PARD3: variants seen among roughly 807,000 people sequenced by gnomAD.
The protein encoded by PARD3 is partitioning defective 3 homolog.
PARD3 carries 75 observed loss-of-function variants against 155.4 expected under a neutral mutation model. The observed-to-expected ratio is 0.48, with a 90% CI of 0.40 to 0.58. The LOEUF (loss-of-function observed/expected upper bound fraction) is 0.58. Ranked by LOEUF, PARD3 falls within the 20% of genes least tolerant of loss-of-function variation. The probability of loss-of-function intolerance (pLI) is 0.00; values close to 1 mark genes in which losing one functional copy is unlikely to be tolerated. For synonymous variants in PARD3, 576 were observed against 610.5 expected (o/e 0.94, Z 0.83); for missense variants, 1,642 against 1,721.7 (o/e 0.95, Z 0.82).
At chr10:34,662,869 C>CACAAAAAAAAAA (rs2093357474) in intron 2 of PARD3, among the ~76,000 whole-genome samples, 1 of 104,014 alleles carries the variant, frequency 9.6e-6, no homozygotes, top group African/African-American at 4.6e-5. Flanking sequence ...GAAACTGTCT[C>CACAAAAAAAAAA]AGAAAAAAAA....
chr10:34,485,071 C>T (rs2079356963), intron 3 of PARD3, among the ~76,000 whole-genome samples: 1 of 152,204 alleles, frequency 6.6e-6, no homozygotes, highest in Non-Finnish European at 1.5e-5. Flanking sequence ...GGCACAGTGG[C>T]ATACATCTGT....
At chr10:34,615,031 C>A (rs534390351) in intron 2 of PARD3, among the ~76,000 whole-genome samples, 2 of 151,950 alleles carry the variant, frequency 1.3e-5, no homozygotes, top group African/African-American at 4.8e-5. Flanking sequence ...ACAAAAAAAA[C>A]TTAGCCAGGC....
intron 2 of PARD3, among the ~76,000 whole-genome samples, chr10:34,683,215 C>G (rs543001128): frequency 2.2e-4 from 33 of 152,024 alleles, no homozygotes; most frequent in Non-Finnish European, 3.2e-4. Flanking sequence ...AAGATGGAAA[C>G]GATGGACACT....
intron 3 of PARD3, among the ~76,000 whole-genome samples, chr10:34,486,289 C>T (rs1354809240): frequency 2.6e-5 from 4 of 152,134 alleles, no homozygotes; most frequent in African/African-American, 9.7e-5. Context: ...ATCCCCCTTT[C>T]CCATCATGGC....
At chr10:34,329,792 GA>G (rs1835417356) in intron 19 of PARD3, among the ~76,000 whole-genome samples, 1 of 152,178 alleles carries the variant, frequency 6.6e-6, no homozygotes, top group African/African-American at 2.4e-5. Flanking sequence ...GAGGTGGAGA[GA>G]AGTGTAGCAA....
intron 3 of PARD3, among the ~76,000 whole-genome samples, chr10:34,499,008 T>C (rs1245644244): frequency 6.6e-6 from 1 of 152,172 alleles, no homozygotes; most frequent in African/African-American, 2.4e-5. Flanking sequence ...TCATTACCAA[T>C]AGATGGTGAA....
At position 34,571,854 on chromosome 10, in the gene PARD3, T is replaced by G. The variant is rs566967400; in HGVS notation, c.223-54695A>C. Among the ~76,000 whole-genome samples, 3 of 152,356 alleles carry G rather than the reference T, an allele frequency of 2.0e-5. No homozygotes were observed. In the South Asian group the frequency reaches 6.2e-4, roughly 32 times the overall value. On this transcript the variant is annotated intron_variant, in intron 2 of 24. Coordinates refer to ENST00000374788, the MANE Select transcript of PARD3 (RefSeq NM_001184785.2). ...GTTGCACCGCTTTCACAAGGTTAGC[T>G]ATCCAGATAAACAAAACCATTTGTT... is the stretch of plus-strand genomic sequence containing the variant.
intron 4 of PARD3, among the ~76,000 whole-genome samples, chr10:34,461,065 G>A (rs188644901): frequency 2.0e-5 from 3 of 152,164 alleles, no homozygotes; most frequent in East Asian, 3.9e-4. Context: ...ACCAAATTTC[G>A]AGAAACACTG....
chr10:34,514,327 T>C (rs1016265080), intron 3 of PARD3, among the ~76,000 whole-genome samples: 14 of 152,204 alleles, frequency 9.2e-5, no homozygotes, highest in African/African-American at 3.1e-4. Flanking sequence ...TGTAAATAGT[T>C]AGACTACCAT....
intron 1 of PARD3, among the ~76,000 whole-genome samples, chr10:34,764,762 T>C (rs1228005637): frequency 6.6e-6 from 1 of 151,670 alleles, no homozygotes; most frequent in Admixed American, 6.6e-5. Context: ...AGCCCAGGAG[T>C]GGGAGCAGGG....
At chr10:34,117,854 T>A (rs1018951882) in intron 24 of PARD3, among the ~76,000 whole-genome samples, 2 of 152,270 alleles carry the variant, frequency 1.3e-5, no homozygotes, top group East Asian at 3.9e-4. Context: ...GAGGTTGCAG[T>A]GAGCCAAGGT....
intron 2 of PARD3, among the ~76,000 whole-genome samples, chr10:34,696,006 A>T (rs2094164495): frequency 6.6e-6 from 1 of 152,198 alleles, no homozygotes; most frequent in Non-Finnish European, 1.5e-5. Context: ...GTGAAGAAAG[A>T]TGTTATGTTT....
At chr10:34,375,053 A>AAC (rs35263377) in intron 10 of PARD3, 51 bp from the exon 11 acceptor site, 86,719 of 777,976 alleles carry the variant, frequency 0.11, 2,345 homozygotes, top group African/African-American at 0.16. Context: ...ACAACAGGAA[A>AAC]ACACACACAC....
intron 4 of PARD3, among the ~76,000 whole-genome samples, chr10:34,457,875 T>C (rs1377809235): frequency 1.3e-5 from 2 of 152,120 alleles, no homozygotes; most frequent in African/African-American, 4.8e-5. Context: ...TATGGAATTA[T>C]AGGTATGCAC....
At chr10:34,192,934 C>T (rs756234131) in intron 22 of PARD3, among the ~76,000 whole-genome samples, 3 of 152,282 alleles carry the variant, frequency 2.0e-5, no homozygotes, top group Middle Eastern at 3.4e-3. Flanking sequence ...AAAACTAGAA[C>T]GTATTTTTAT....
intron 1 of PARD3, among the ~76,000 whole-genome samples, chr10:34,722,996 T>G (rs2094632609): frequency 6.6e-6 from 1 of 152,172 alleles, no homozygotes; most frequent in Admixed American, 6.5e-5. Context: ...TGTTATTCTC[T>G]TAACAATTGT....
rs3041198 is a variant in PARD3 at position 34,562,123 on chromosome 10, CAAAAAAAAAAAAA to C, written c.223-44977_223-44965del. Among the ~76,000 whole-genome samples the C allele has an allele frequency of 2.3e-4, 6 of 26,364 alleles. No individual in the cohort carries two copies. The South Asian group carries it at 9.6e-3, about 42-fold the overall frequency. 17.3% of individuals were successfully genotyped at this position (26,364 alleles called of 152,430 possible). On this transcript the variant is annotated intron_variant, in intron 2 of 24. Coordinates refer to ENST00000374788, the MANE Select transcript of PARD3 (RefSeq NM_001184785.2). ...CCTGGGTGACGGAGCCTGACTGTCT[CAAAAAAAAAAAAA>C]AAAAAAAAAAAAAAAAGGCTTGTTG...
At position 34,383,599 on chromosome 10, in the gene PARD3, A is replaced by C. The variant is rs558844035; in HGVS notation, c.1016+530T>G. The stretch of plus-strand genomic sequence containing the variant: ...CCCTGGTCAGGACCTCAAGTTCTTA[A>C]GAGTTCTGTTTGCTCCTGCCTTGTT... On this transcript the variant is annotated intron_variant, in intron 8 of 24. Coordinates refer to ENST00000374788, the MANE Select transcript of PARD3 (RefSeq NM_001184785.2). Among the ~76,000 whole-genome samples, 14 of 152,310 alleles carry C rather than the reference A, an allele frequency of 9.2e-5. No homozygotes were observed. The South Asian group carries it at 2.9e-3, about 32-fold the overall frequency.
intron 14 of PARD3, among the ~76,000 whole-genome samples, chr10:34,357,707 C>G (rs952247016): frequency 3.3e-5 from 5 of 152,246 alleles, no homozygotes; most frequent in Non-Finnish European, 7.4e-5. Flanking sequence ...TTGTATGTCC[C>G]ACTCTTCTCC....
Sources: gnomAD v4.1 joint callset for allele counts (sites outside exome capture counted in the v4.1 genomes callset) on GRCh38, gnomAD v4.1.1 for gene constraint, MANE v1.5 for transcripts, NCBI Gene and HGNC (gene_info 2026-07-23, HGNC 2026-07-21) for gene names.